The following HIBADH variants were observed in gnomAD, a reference collection of about 807,000 sequenced individuals.
HIBADH encodes 3-hydroxyisobutyrate dehydrogenase, mitochondrial.
A neutral mutation model predicts 36.1 loss-of-function variants in HIBADH; 25 were observed. The observed-to-expected ratio is 0.69, with a 90% CI of 0.50 to 0.97. HIBADH has a LOEUF of 0.97. Ranked by LOEUF, HIBADH falls within the 50% of genes least tolerant of loss-of-function variation. HIBADH has a pLI of 0.00. For missense variants in HIBADH, 421 were observed against 418.0 expected (o/e 1.01, Z -0.06); for synonymous variants, 160 against 149.5 (o/e 1.07, Z -0.51).
intron 4 of HIBADH, among the ~76,000 whole-genome samples, chr7:27,584,622 A>T (rs543514475): frequency 6.6e-6 from 1 of 152,178 alleles, no homozygotes; most frequent in East Asian, 1.9e-4. Context: ...GGCAACTCAA[A>T]CAATCACCTA....
chr7:27,640,836 T>C (rs1785948015), intron 2 of HIBADH, among the ~76,000 whole-genome samples: 1 of 152,166 alleles, frequency 6.6e-6, no homozygotes, highest in African/African-American at 2.4e-5. Flanking sequence ...ATGTAAGAAT[T>C]TGTACATTTA....
chr7:27,535,694 A>T (rs1009362799), intron 6 of HIBADH, among the ~76,000 whole-genome samples: 3 of 152,174 alleles, frequency 2.0e-5, no homozygotes, highest in African/African-American at 7.2e-5. Context: ...ATTAGAAAGC[A>T]GAAAGGTCTA....
chr7:27,531,246 G>A lies in HIBADH; in HGVS notation c.798C>T (p.Gly266=), dbSNP rs145731776. Residue 266 remains glycine, a synonymous_variant, in exon 7 of 8, where the codon GGC becomes GGT. Coordinates refer to ENST00000265395, the MANE Select transcript of HIBADH (RefSeq NM_152740.4). Reference sequence around the variant, plus strand: ...CCTGATAGTTATTAGCCGAGGGAACGCCATCCATCACTCCAGGTACAGGAT... The same window carrying A: ...CCTGATAGTTATTAGCCGAGGGAACACCATCCATCACTCCAGGTACAGGAT... ...TYNPVPGVMD[G]VPSANNYQGG... 183 of 1,613,868 alleles carry A rather than the reference G, an allele frequency of 1.1e-4. 2 individuals are homozygous for A. The highest frequency in any genetic ancestry group is 8.2e-4 in the Admixed American group (49 of 59,984).
At chr7:27,608,485 T>A (rs962835403) in intron 4 of HIBADH, among the ~76,000 whole-genome samples, 1 of 152,226 alleles carries the variant, frequency 6.6e-6, no homozygotes, top group Non-Finnish European at 1.5e-5. Flanking sequence ...CTGTTAACAT[T>A]ATCAAACCTC....
At chr7:27,559,787 A>C (rs1432924586) in intron 4 of HIBADH, among the ~76,000 whole-genome samples, 1 of 152,216 alleles carries the variant, frequency 6.6e-6, no homozygotes, top group Non-Finnish European at 1.5e-5. Flanking sequence ...TGTGATAAGA[A>C]AGTATATTCT....
At chr7:27,647,235 T>A (rs1178907356) in intron 2 of HIBADH, among the ~76,000 whole-genome samples, 6 of 152,134 alleles carry the variant, frequency 3.9e-5, no homozygotes, top group Non-Finnish European at 7.4e-5. Flanking sequence ...GTCTGCAGCA[T>A]GGAGACGCTG....
At chr7:27,658,000 C>T (rs947310484) in intron 1 of HIBADH, among the ~76,000 whole-genome samples, 5 of 152,116 alleles carry the variant, frequency 3.3e-5, no homozygotes, top group South Asian at 2.1e-4. Flanking sequence ...AGGTCAAGTC[C>T]TATGCCAACT....
At chr7:27,585,655 C>A (rs928858285) in intron 4 of HIBADH, among the ~76,000 whole-genome samples, 16 of 152,082 alleles carry the variant, frequency 1.1e-4, no homozygotes, top group African/African-American at 3.9e-4. Context: ...TAAGACGATT[C>A]AAAGAGAAAC....
chr7:27,628,507 A>C (rs2128294192), intron 4 of HIBADH, among the ~76,000 whole-genome samples: 1 of 152,224 alleles, frequency 6.6e-6, no homozygotes, highest in African/African-American at 2.4e-5. Flanking sequence ...AATTACAGAG[A>C]AGCCATACTA....
chr7:27,653,899 T>C (rs764859026), intron 1 of HIBADH, among the ~76,000 whole-genome samples: 22 of 152,190 alleles, frequency 1.4e-4, no homozygotes, highest in Non-Finnish European at 2.4e-4. Context: ...GTTGAACCTC[T>C]CTGAAGCCCA....
chr7:27,577,164 C>CTTTTTTTTTTTTTT (rs35467427), intron 4 of HIBADH, among the ~76,000 whole-genome samples: 3 of 143,886 alleles, frequency 2.1e-5, no homozygotes, highest in African/African-American at 2.6e-5. Context: ...CATCATTTCT[C>CTTTTTTTTTTTTTT]TCTTTTTTTT....
At chr7:27,579,028 A>G (rs1784753829) in intron 4 of HIBADH, among the ~76,000 whole-genome samples, 3 of 152,356 alleles carry the variant, frequency 2.0e-5, no homozygotes, top group Admixed American at 1.3e-4. Context: ...AAGGGAGGGC[A>G]TGGGAACTGT....
chr7:27,629,566 G>C, intron 3 of HIBADH, 74 bp from the exon 4 acceptor site: 1 of 1,058,890 alleles, frequency 9.4e-7, no homozygotes, highest in South Asian at 2.2e-5. Context: ...TACAGAATTA[G>C]AATCTGCTGA....
rs538209505 is a variant in HIBADH at position 27,632,906 on chromosome 7, C to G, written c.253-461G>C. ...CTAACAAAATCTCAAGTCCCAGTCC[C>G]CACCATCCTCCAGTCTGTATTTTCA... On this transcript the variant is annotated intron_variant, in intron 2 of 7. Transcript: ENST00000265395. Among the ~76,000 whole-genome samples, 17 of 152,136 alleles carry G rather than the reference C, an allele frequency of 1.1e-4. No homozygotes were observed. In the South Asian group the frequency reaches 2.9e-3, roughly 26 times the overall value.
chr7:27,582,679 G>A (rs1306807015), intron 4 of HIBADH, among the ~76,000 whole-genome samples: 2 of 152,070 alleles, frequency 1.3e-5, no homozygotes, highest in East Asian at 3.9e-4. Flanking sequence ...ACTTTATCCA[G>A]GCTTCTCCCC....
chr7:27,557,853 A>G (rs571566815), intron 4 of HIBADH, among the ~76,000 whole-genome samples: 6 of 152,350 alleles, frequency 3.9e-5, no homozygotes, highest in African/African-American at 1.4e-4. Flanking sequence ...CCGTAGCACA[A>G]TATACAAGAA....
intron 1 of HIBADH, among the ~76,000 whole-genome samples, chr7:27,656,874 T>C (rs1386900791): frequency 6.6e-6 from 1 of 152,214 alleles, no homozygotes; most frequent in Non-Finnish European, 1.5e-5. Context: ...AATTACAAAG[T>C]AATGCTGCTG....
intron 4 of HIBADH, among the ~76,000 whole-genome samples, chr7:27,578,235 T>C (rs1321915062): frequency 6.6e-6 from 1 of 152,224 alleles, no homozygotes; most frequent in Admixed American, 6.5e-5. Flanking sequence ...ATAAGTTCAA[T>C]ATGTCAATGA....
At chr7:27,549,395 A>AT (rs1175010160) in intron 4 of HIBADH, among the ~76,000 whole-genome samples, 9 of 152,096 alleles carry the variant, frequency 5.9e-5, no homozygotes, top group Non-Finnish European at 8.8e-5. Flanking sequence ...ATTTTTGTCA[A>AT]TTAAAAAATG....
Sources: gnomAD v4.1 joint callset for allele counts (sites outside exome capture counted in the v4.1 genomes callset) on GRCh38, gnomAD v4.1.1 for gene constraint, MANE v1.5 for transcripts, NCBI Gene and HGNC (gene_info 2026-07-23, HGNC 2026-07-21) for gene names.